The following GRID2 variants were observed in gnomAD, a reference collection of about 807,000 sequenced individuals.
GRID2 encodes the protein glutamate ionotropic receptor delta type subunit 2, also known as glutamate receptor ionotropic, delta-2.
Under a neutral mutation model 114.8 loss-of-function variants are expected in GRID2, and 33 were observed. The ratio of observed to expected loss-of-function variants is 0.29; its 90% CI spans 0.22 to 0.38. The LOEUF is 0.38. Among genes scored for constraint, GRID2 ranks in the 10% least tolerant of loss-of-function variants. The pLI is 1.00. For missense variants in GRID2, 1,184 were observed against 1,257.7 expected, an observed-to-expected ratio of 0.94 and a Z score of 0.89; for synonymous variants, 505 against 449.9, an observed-to-expected ratio of 1.12 and a Z score of -1.55.
At chr4:93,638,349 G>A (rs1721620220) in intron 14 of GRID2, among the ~76,000 whole-genome samples, 1 of 31,478 alleles carries the variant, frequency 3.2e-5, no homozygotes, top group Admixed American at 2.2e-4. Flanking sequence ...GGGTACATGT[G>A]CACATTGTGC....
chr4:92,564,972 A>G (rs1033015149), intron 1 of GRID2, among the ~76,000 whole-genome samples: 5 of 151,892 alleles, frequency 3.3e-5, no homozygotes, highest in Admixed American at 3.3e-4. Context: ...CTATCAAGTG[A>G]TCACCATTGT....
chr4:93,350,575 A>AT lies in GRID2; in HGVS notation c.1246-45024dup, dbSNP rs200432789. ...AGTAGATAGTACAAGGCAGGGAGCT[A>AT]TTTTTTTTAAAAAAAATCCCTCCCT... On this transcript the variant is annotated intron_variant, in intron 8 of 15. Coordinates refer to ENST00000282020, the MANE Select transcript of GRID2 (RefSeq NM_001510.4). Among the ~76,000 whole-genome samples the AT allele has an allele frequency of 3.6e-4, 55 of 151,916 alleles. 3 individuals are homozygous for AT. In the East Asian group the frequency reaches 6.4e-3, roughly 18 times the overall value.
chr4:92,899,536 G>A (rs1051869915), intron 2 of GRID2, among the ~76,000 whole-genome samples: 6 of 152,094 alleles, frequency 3.9e-5, no homozygotes, highest in African/African-American at 1.4e-4. Flanking sequence ...TATTTCCTAA[G>A]CCTGTATCAA....
chr4:92,900,857 A>C (rs1747530708), intron 2 of GRID2, among the ~76,000 whole-genome samples: 1 of 144,296 alleles, frequency 6.9e-6, no homozygotes, highest in South Asian at 2.2e-4. Context: ...AAAAAAAAAA[A>C]AGATAATGCC....
intron 11 of GRID2, among the ~76,000 whole-genome samples, chr4:93,484,465 A>T: frequency 6.6e-6 from 1 of 151,938 alleles, no homozygotes; most frequent in East Asian, 1.9e-4. Context: ...TTCAAAAAAA[A>T]ACTTTAGATG....
intron 1 of GRID2, among the ~76,000 whole-genome samples, chr4:92,358,501 A>G (rs994356071): frequency 6.6e-5 from 10 of 151,964 alleles, no homozygotes; most frequent in Non-Finnish European, 1.5e-4. Context: ...TCTTCAAGGA[A>G]GAGGAATTAG....
intron 4 of GRID2, among the ~76,000 whole-genome samples, chr4:93,181,588 C>A (rs190524166): frequency 6.6e-6 from 1 of 152,292 alleles, no homozygotes; most frequent in African/African-American, 2.4e-5. Context: ...TAGCCACCAT[C>A]GTCAATGATC....
chr4:92,966,362 A>G (rs1272469275), intron 2 of GRID2, among the ~76,000 whole-genome samples: 6 of 151,964 alleles, frequency 3.9e-5, no homozygotes, highest in Non-Finnish European at 7.4e-5. Context: ...GTGGACCACA[A>G]AAAGGACAAA....
At chr4:92,367,668 T>C (rs984079904) in intron 1 of GRID2, among the ~76,000 whole-genome samples, 1 of 152,068 alleles carries the variant, frequency 6.6e-6, no homozygotes, top group African/African-American at 2.4e-5. Flanking sequence ...AGCTATGGTA[T>C]TTTCATCTAA....
At chr4:92,858,345 T>C (rs1646618585) in intron 2 of GRID2, among the ~76,000 whole-genome samples, 2 of 152,200 alleles carry the variant, frequency 1.3e-5, no homozygotes, top group African/African-American at 4.8e-5. Context: ...AGAACATTCA[T>C]GATTCATGGG....
At chr4:93,755,338 C>T (rs576707559) in intron 14 of GRID2, among the ~76,000 whole-genome samples, 80 of 152,214 alleles carry the variant, frequency 5.3e-4, no homozygotes, top group African/African-American at 1.8e-3. Flanking sequence ...ATCTCCCATG[C>T]GTGGGAAAAC....
chr4:93,395,452 A>G (rs1180686206), intron 8 of GRID2, among the ~76,000 whole-genome samples, 155 bp from the exon 9 acceptor site: 1 of 151,990 alleles, frequency 6.6e-6, no homozygotes, highest in Non-Finnish European at 1.5e-5. Context: ...GGCATATCTA[A>G]TAACTTCATT....
intron 11 of GRID2, among the ~76,000 whole-genome samples, chr4:93,482,536 G>C (rs978425672): frequency 3.8e-4 from 57 of 151,880 alleles, no homozygotes; most frequent in Admixed American, 9.2e-4. Flanking sequence ...GCGTGTCGAG[G>C]GTTGTGGGGC....
chr4:92,728,011 G>T (rs1736144186), intron 2 of GRID2, among the ~76,000 whole-genome samples: 1 of 152,018 alleles, frequency 6.6e-6, no homozygotes, highest in African/African-American at 2.4e-5. Flanking sequence ...TCAAGAAATA[G>T]AATTTTCTTG....
At chr4:93,727,622 T>G (rs1362797727) in intron 14 of GRID2, among the ~76,000 whole-genome samples, 1 of 152,292 alleles carries the variant, frequency 6.6e-6, no homozygotes, top group East Asian at 1.9e-4. Context: ...GTCCTGGACT[T>G]TTTTTGGTTG....
intron 8 of GRID2, among the ~76,000 whole-genome samples, chr4:93,300,357 A>G (rs993467146): frequency 6.6e-6 from 1 of 152,210 alleles, no homozygotes; most frequent in African/African-American, 2.4e-5. Flanking sequence ...AAGGGTCAAG[A>G]TATAATAAAA....
At chr4:92,939,237 A>C (rs1750905634) in intron 2 of GRID2, among the ~76,000 whole-genome samples, 1 of 147,264 alleles carries the variant, frequency 6.8e-6, no homozygotes, top group Admixed American at 7.3e-5. Context: ...TTGTTTCCTG[A>C]CATTTTAATG....
chr4:93,453,866 C>A (rs2149409081), intron 10 of GRID2, among the ~76,000 whole-genome samples: 1 of 152,126 alleles, frequency 6.6e-6, no homozygotes, highest in Non-Finnish European at 1.5e-5. Flanking sequence ...AATGCATCTT[C>A]TGAGCACCTA....
At chr4:92,968,406 T>C (rs1022791767) in intron 2 of GRID2, among the ~76,000 whole-genome samples, 1 of 151,892 alleles carries the variant, frequency 6.6e-6, no homozygotes, top group African/African-American at 2.4e-5. Context: ...TTTGAATTTG[T>C]TCAGTAATAA....
Sources: allele counts gnomAD v4.1 joint callset (sites outside exome capture counted in the v4.1 genomes callset), GRCh38; gene constraint gnomAD v4.1.1; transcripts MANE v1.5; gene names NCBI Gene and HGNC (gene_info 2026-07-23, HGNC 2026-07-21).